BTBD9: variants seen among roughly 807,000 people sequenced by gnomAD.
The protein encoded by BTBD9 is BTB/POZ domain-containing protein 9.
In BTBD9, 49 loss-of-function variants were observed where a neutral mutation model predicts 64.3. That is an observed-to-expected ratio of 0.76 (90% CI 0.61 to 0.97). The LOEUF (loss-of-function observed/expected upper bound fraction) is 0.97. BTBD9 is among the 50% of genes least tolerant of loss of function. BTBD9 has a pLI of 0.00. For synonymous variants in BTBD9, 260 were observed against 274.7 expected, an observed-to-expected ratio of 0.95 and a Z score of 0.53; for missense variants, 598 against 762.1, an observed-to-expected ratio of 0.78 and a Z score of 2.53.
In BTBD9 at chr6:38,639,912, C is replaced by T. The variant is rs1021219653; in HGVS notation, c.-140G>A. ...CCGCTTCCGTGGCCGCCGTCCTCGC[C>T]GCCGCCCCGGCTGCTGCGGCGCGCG... On this transcript the variant is annotated 5_prime_UTR_variant, in exon 1 of 11. Coordinates refer to ENST00000481247, the MANE Select transcript of BTBD9 (RefSeq NM_001099272.2). The T allele has an allele frequency of 6.6e-6, 1 of 152,356 alleles. No individual in the cohort carries two copies. The highest frequency in any genetic ancestry group is 2.4e-5 in the African/African-American group (1 of 41,416). The allele number at this position is 152,356 out of a possible 1,614,324, so 9.4% of individuals were successfully genotyped here. A position where few individuals can be genotyped will look rare whatever the true frequency, so the allele number is the denominator to read the frequency against.
intron 6 of BTBD9, among the ~76,000 whole-genome samples, chr6:38,347,808 C>T (rs1198889050): frequency 6.6e-6 from 1 of 152,154 alleles, no homozygotes; most frequent in Non-Finnish European, 1.5e-5. Flanking sequence ...ACCATCCTGG[C>T]TAACACGGTG....
At chr6:38,610,622 T>C (rs2127512053) in intron 1 of BTBD9, among the ~76,000 whole-genome samples, 1 of 152,264 alleles carries the variant, frequency 6.6e-6, no homozygotes. Flanking sequence ...GAGGTGCTCA[T>C]AGTTCTGTGG....
intron 9 of BTBD9, among the ~76,000 whole-genome samples, chr6:38,231,685 A>G (rs1763609877): frequency 6.6e-6 from 1 of 152,200 alleles, no homozygotes; most frequent in Admixed American, 6.5e-5. Flanking sequence ...AGAGCCTGGC[A>G]GCTCATCAAC....
intron 9 of BTBD9, among the ~76,000 whole-genome samples, chr6:38,194,954 C>T (rs1762226292): frequency 6.6e-6 from 1 of 152,200 alleles, no homozygotes; most frequent in Admixed American, 6.5e-5. Flanking sequence ...TACCAATCTT[C>T]CATTACACTG....
intron 6 of BTBD9, among the ~76,000 whole-genome samples, chr6:38,373,510 T>C (rs1393205317): frequency 6.6e-6 from 1 of 152,170 alleles, no homozygotes; most frequent in African/African-American, 2.4e-5. Context: ...GGCATTCTGC[T>C]ATACCTAGTG....
At chr6:38,374,306 T>TATATATATAC (rs1491240635) in intron 6 of BTBD9, among the ~76,000 whole-genome samples, 4 of 84,634 alleles carry the variant, frequency 4.7e-5, no homozygotes, top group Non-Finnish European at 8.6e-5. Flanking sequence ...TGTATATATA[T>TATATATATAC]GTATATATAT....
chr6:38,569,261 T>C (rs1343573516), intron 6 of BTBD9, among the ~76,000 whole-genome samples: 2 of 152,226 alleles, frequency 1.3e-5, no homozygotes, highest in Admixed American at 6.5e-5. Context: ...TGTTCATCTT[T>C]TTATGTCTGG....
chr6:38,379,570 G>A (rs1765839818), intron 6 of BTBD9, among the ~76,000 whole-genome samples: 1 of 152,150 alleles, frequency 6.6e-6, no homozygotes, highest in African/African-American at 2.4e-5. Context: ...TGTGCATAAG[G>A]CTGAGAAAGC....
At chr6:38,318,366 T>C (rs957635974) in intron 7 of BTBD9, among the ~76,000 whole-genome samples, 10 of 152,148 alleles carry the variant, frequency 6.6e-5, no homozygotes, top group Admixed American at 5.2e-4. Context: ...TTTCTTGTAG[T>C]CTTTGTAGTC....
intron 6 of BTBD9, among the ~76,000 whole-genome samples, chr6:38,506,360 G>C (rs1403107585): frequency 6.6e-6 from 1 of 152,156 alleles, no homozygotes; most frequent in Non-Finnish European, 1.5e-5. Flanking sequence ...CTAACACAAA[G>C]CTTGATCCAT....
intron 9 of BTBD9, among the ~76,000 whole-genome samples, chr6:38,214,417 G>C (rs947312344): frequency 6.6e-6 from 1 of 152,384 alleles, no homozygotes. Context: ...GACAGGACAG[G>C]TGACAAGGGC....
intron 1 of BTBD9, among the ~76,000 whole-genome samples, chr6:38,617,571 T>A (rs1777834395): frequency 6.6e-6 from 1 of 152,238 alleles, no homozygotes. Flanking sequence ...TAGGGGGTAC[T>A]ATCTGGAATT....
intron 6 of BTBD9, among the ~76,000 whole-genome samples, chr6:38,538,626 TC>T (rs1774126200): frequency 6.6e-6 from 1 of 152,000 alleles, no homozygotes; most frequent in Admixed American, 6.6e-5. Flanking sequence ...TTGTTTACCT[TC>T]CCCCGCCCCC....
chr6:38,584,258 G>A (rs1776413791), intron 4 of BTBD9, among the ~76,000 whole-genome samples: 1 of 152,202 alleles, frequency 6.6e-6, no homozygotes, highest in South Asian at 2.1e-4. Context: ...AACCTGGGAG[G>A]TGGAGGCTGC....
In BTBD9 at chr6:38,460,769, G is replaced by A. The variant is rs138548160; in HGVS notation, c.1155-115676C>T. Among the ~76,000 whole-genome samples, 154 of 152,170 alleles carry A rather than the reference G, an allele frequency of 1.0e-3. No homozygotes were observed. The South Asian group carries it at 0.01, about 10-fold the overall frequency. On this transcript the variant is annotated intron_variant, in intron 6 of 10. Transcript: ENST00000481247. ...CTCCCAAGTAGCTGGGACTACAGGCGCCTGCCATCACGCCCGGCTAACTTT... is the reference window on the plus strand; with the variant it reads ...CTCCCAAGTAGCTGGGACTACAGGCACCTGCCATCACGCCCGGCTAACTTT...
chr6:38,437,909 C>T (rs1768811974), intron 6 of BTBD9, among the ~76,000 whole-genome samples: 2 of 151,790 alleles, frequency 1.3e-5, no homozygotes, highest in African/African-American at 4.8e-5. Context: ...GGAAAGTAAC[C>T]TATGTTGAAA....
chr6:38,569,831 G>T (rs770546092), intron 6 of BTBD9, among the ~76,000 whole-genome samples: 5 of 151,380 alleles, frequency 3.3e-5, no homozygotes, highest in Non-Finnish European at 7.4e-5. Context: ...CTAATAAAAG[G>T]GTTCTAGATG....
intron 6 of BTBD9, among the ~76,000 whole-genome samples, chr6:38,363,546 G>C (rs1388917116): frequency 6.6e-6 from 1 of 152,206 alleles, no homozygotes; most frequent in African/African-American, 2.4e-5. Flanking sequence ...TTGCACCACT[G>C]CAATATAGCT....
chr6:38,467,081 T>C (rs553093200), intron 6 of BTBD9, among the ~76,000 whole-genome samples: 1 of 152,280 alleles, frequency 6.6e-6, no homozygotes, highest in African/African-American at 2.4e-5. Flanking sequence ...ATGAGAGAGC[T>C]GATTAAACAA....
Sources: allele counts gnomAD v4.1 joint callset (sites outside exome capture counted in the v4.1 genomes callset), GRCh38; gene constraint gnomAD v4.1.1; transcripts MANE v1.5; gene names NCBI Gene and HGNC (gene_info 2026-07-23, HGNC 2026-07-21).